Variants in TRA2B observed in about 807,000 individuals in gnomAD.
The protein encoded by TRA2B is transformer-2 protein homolog beta.
TRA2B carries 14 observed loss-of-function variants against 41.7 expected under a neutral mutation model. That is an observed-to-expected ratio of 0.34 (90% CI 0.22 to 0.53). TRA2B has a LOEUF of 0.53. Ranked by LOEUF, TRA2B falls within the 20% of genes least tolerant of loss-of-function variation. The pLI is 0.95. For missense variants in TRA2B, 167 were observed against 396.8 expected, an observed-to-expected ratio of 0.42 and a Z score of 4.92; for synonymous variants, 130 against 128.8, an observed-to-expected ratio of 1.01 and a Z score of -0.06.
intron 1 of TRA2B, among the ~76,000 whole-genome samples, chr3:185,931,240 G>A (rs1744144363): frequency 6.6e-6 from 1 of 152,148 alleles, no homozygotes; most frequent in Non-Finnish European, 1.5e-5. Context: ...TAAGAGTCCA[G>A]GGAGGTGGCA....
At chr3:185,936,881 C>T in intron 1 of TRA2B, 1 of 985,302 alleles carries the variant, frequency 1.0e-6, no homozygotes, top group Non-Finnish European at 1.2e-6. Flanking sequence ...GTCTTGTTCC[C>T]GCAATTCAAT....
chr3:185,918,457 A>G lies in TRA2B; in HGVS notation c.783-19T>C, dbSNP rs764557638. Reference sequence around the variant, plus strand: ...CCGCCTTCTATAAACAAATGTCAAGATTGTCTAAGTCTCAATAGATCACAA... The same window carrying G: ...CCGCCTTCTATAAACAAATGTCAAGGTTGTCTAAGTCTCAATAGATCACAA... On this transcript the variant is annotated intron_variant, in intron 7 of 8. Transcript: ENST00000453386. The G allele has an allele frequency of 6.3e-7, 1 of 1,580,578 alleles. No homozygotes were observed. The highest frequency in any genetic ancestry group is 8.7e-7 in the Non-Finnish European group (1 of 1,150,068).
chr3:185,936,897 C>A, intron 1 of TRA2B: 1 of 985,360 alleles, frequency 1.0e-6, no homozygotes, highest in Non-Finnish European at 1.2e-6. Flanking sequence ...TCAATCAACC[C>A]TCACTGAACA....
At chr3:185,934,987 TA>T in intron 1 of TRA2B, 1 of 985,438 alleles carries the variant, frequency 1.0e-6, no homozygotes, top group Non-Finnish European at 1.2e-6. Context: ...GACTCACTCG[TA>T]GAAACTCATT....
intron 1 of TRA2B, chr3:185,934,282 G>T: frequency 1.0e-6 from 1 of 964,724 alleles, no homozygotes; most frequent in South Asian, 4.8e-5. Flanking sequence ...GGGCAAAATA[G>T]CTATGAAAGC....
In TRA2B at chr3:185,916,533, G is replaced by A. The variant is rs6444088; in HGVS notation, c.*1182C>T. On this transcript the variant is annotated 3_prime_UTR_variant, in exon 9 of 9. Transcript: ENST00000453386. ...AGTACCCGCAGTCTAGTTATTTACT[G>A]TAACTCCATCCCCAAATGGAGATCA... 0.35 allele frequency: 53,089 copies of A among 151,976 alleles called. 9,676 individuals carry two copies. Among genetic ancestry groups the A allele is most frequent in the Non-Finnish European group, 0.42 (28,324 of 67,916 alleles). 9.4% of individuals were successfully genotyped at this position (151,976 alleles called of 1,614,324 possible). A position where few individuals can be genotyped will look rare whatever the true frequency, so the allele number is the denominator to read the frequency against.
Position 185,917,687 on chromosome 3 carries a change from A to G in TRA2B, c.*28T>C. ...TGCCCACAAACAATATCCCAGCTCT[A>G]GGGCAGGTTTCAGAAAGTCTTCATG... On this transcript the variant is annotated 3_prime_UTR_variant, in exon 9 of 9. Coordinates refer to ENST00000453386, the MANE Select transcript of TRA2B (RefSeq NM_004593.3). 1 of 1,612,192 alleles carries G rather than the reference A, an allele frequency of 6.2e-7. No homozygotes were observed. Among genetic ancestry groups the G allele is most frequent in the Non-Finnish European group, 8.5e-7 (1 of 1,178,616 alleles).
At chr3:185,937,156 C>A (rs1211983258) in intron 1 of TRA2B, 1 of 985,438 alleles carries the variant, frequency 1.0e-6, no homozygotes, top group African/African-American at 1.7e-5. Context: ...AAAAGCGCTT[C>A]ATTTAGGCCA....
intron 6 of TRA2B, among the ~76,000 whole-genome samples, chr3:185,919,751 C>G (rs1743644366): frequency 6.6e-6 from 1 of 151,860 alleles, no homozygotes; most frequent in Non-Finnish European, 1.5e-5. Context: ...AATCTCAGCC[C>G]CAACAAATTT....
chr3:185,918,242 T>A, intron 8 of TRA2B, 123 bp downstream of exon 8: 1 of 659,704 alleles, frequency 1.5e-6, no homozygotes, highest in Non-Finnish European at 2.5e-6. Context: ...ATGTTCAGGA[T>A]GTGTGGAGAA....
At chr3:185,918,257 T>C (rs544772959) in intron 8 of TRA2B, 108 bp downstream of exon 8, 33 of 743,450 alleles carry the variant, frequency 4.4e-5, no homozygotes, top group African/African-American at 1.1e-4. Flanking sequence ...GGAGAATCAT[T>C]AGGTATGAAA....
intron 4 of TRA2B, 177 bp downstream of exon 4, chr3:185,923,619 T>C: frequency 2.0e-6 from 1 of 508,376 alleles, no homozygotes; most frequent in Non-Finnish European, 3.2e-6. Flanking sequence ...AGGACCAACT[T>C]CCCCAAGTTA....
chr3:185,925,257 T>C (rs1743901726), intron 3 of TRA2B: 1 of 511,430 alleles, frequency 2.0e-6, no homozygotes, highest in Non-Finnish European at 3.4e-6. Context: ...CACCATTGTG[T>C]CAGTATTATG....
chr3:185,918,562 T>C (rs1315413960), intron 7 of TRA2B, 124 bp from the exon 8 acceptor site: 1 of 558,410 alleles, frequency 1.8e-6, no homozygotes, highest in Non-Finnish European at 3.1e-6. Flanking sequence ...GCATGAACCT[T>C]CAAGGTCTGT....
chr3:185,933,291 TTC>T (rs1187066049), intron 1 of TRA2B, among the ~76,000 whole-genome samples: 2 of 152,200 alleles, frequency 1.3e-5, no homozygotes, highest in African/African-American at 2.4e-5. Flanking sequence ...ACCTGGTTCC[TTC>T]TCTTATAGTC....
At chr3:185,924,814 A>T (rs1743881799) in intron 3 of TRA2B, 1 of 152,282 alleles carries the variant, frequency 6.6e-6, no homozygotes, top group African/African-American at 2.4e-5. Context: ...CCTGTCTCAA[A>T]AAAAGATGAC....
In TRA2B at chr3:185,915,426, T is replaced by C. The variant is rs565004230; in HGVS notation, c.*2289A>G. Among the ~76,000 whole-genome samples the C allele has an allele frequency of 5.3e-5, 8 of 152,304 alleles. No individual in the cohort carries two copies. In the South Asian group the frequency reaches 6.2e-4, roughly 12 times the overall value. On this transcript the variant is annotated 3_prime_UTR_variant, in exon 9 of 9. Transcript: ENST00000453386. ...TCAAATTTATCCTTTCCCATGGCTTTTGTCTGATTCAGCTGCCCATGGCAG... is the reference window on the plus strand; with the variant it reads ...TCAAATTTATCCTTTCCCATGGCTTCTGTCTGATTCAGCTGCCCATGGCAG...
intron 6 of TRA2B, among the ~76,000 whole-genome samples, chr3:185,920,722 T>C (rs1172633942): frequency 6.6e-6 from 1 of 152,178 alleles, no homozygotes; most frequent in East Asian, 1.9e-4. Context: ...TTTTTATTTC[T>C]GGTAGAGACG....
At chr3:185,929,562 T>C (rs1744072561) in intron 1 of TRA2B, among the ~76,000 whole-genome samples, 2 of 152,154 alleles carry the variant, frequency 1.3e-5, no homozygotes, top group South Asian at 2.1e-4. Flanking sequence ...AGACTGGATC[T>C]CAGCCACATC....
Sources: gnomAD v4.1 joint callset for allele counts (sites outside exome capture counted in the v4.1 genomes callset) on GRCh38, gnomAD v4.1.1 for gene constraint, MANE v1.5 for transcripts, NCBI Gene and HGNC (gene_info 2026-07-23, HGNC 2026-07-21) for gene names.